The following MTUS1 variants were observed in gnomAD, a reference collection of about 807,000 sequenced individuals.
MTUS1 encodes microtubule-associated tumor suppressor 1.
In MTUS1, 109 loss-of-function variants were observed where a neutral mutation model predicts 120.8. The observed-to-expected ratio is 0.90, with a 90% CI of 0.77 to 1.06. The LOEUF is 1.06. Ranked by LOEUF, MTUS1 falls within the 50% of genes least tolerant of loss-of-function variation. The pLI is 0.00. For missense variants in MTUS1, 2,210 were observed against 1,486.3 expected (o/e 1.49, Z -8.01); for synonymous variants, 737 against 550.5 (o/e 1.34, Z -4.74).
intron 6 of MTUS1, chr8:17,693,399 C>G (rs911172229): frequency 6.6e-6 from 1 of 152,196 alleles, no homozygotes; most frequent in Non-Finnish European, 1.5e-5. Context: ...GATCCAACAA[C>G]ACGCTTTGCC....
intron 6 of MTUS1, among the ~76,000 whole-genome samples, chr8:17,693,089 G>A (rs1295886343): frequency 1.3e-5 from 2 of 152,140 alleles, no homozygotes; most frequent in African/African-American, 4.8e-5. Context: ...ATTAATACAA[G>A]AATTTCCAGC....
intron 6 of MTUS1, among the ~76,000 whole-genome samples, chr8:17,688,979 A>C (rs1274603712): frequency 6.6e-6 from 1 of 152,180 alleles, no homozygotes; most frequent in African/African-American, 2.4e-5. Flanking sequence ...TGGGAGGCCA[A>C]GGCGGGCAGA....
At position 17,755,087 on chromosome 8, in the gene MTUS1, T is replaced by A. The variant is rs759328199; in HGVS notation, c.721A>T (p.Met241Leu). Residue 241 changes from methionine (M) to leucine (L), a missense_variant, in exon 2 of 15, where the codon ATG (methionine) becomes TTG (leucine). Coordinates refer to ENST00000693296, the MANE Select transcript of MTUS1 (RefSeq NM_001363059.2). The stretch of plus-strand genomic sequence containing the variant: ...ACATCAGAAAATGCTGTGTAAGTCA[T>A]GTCTTGGGCTTCTGATGGTGTGACT... The part of the protein sequence containing the change: ...PQVTPSEAQD[M>L]TYTAFSDVVM... 4 of 1,613,896 alleles carry A rather than the reference T, an allele frequency of 2.5e-6. No homozygotes were observed. The East Asian group carries it at 6.7e-5, about 27-fold the overall frequency.
chr8:17,758,349 T>C (rs1176568161), intron 1 of MTUS1: 3 of 152,154 alleles, frequency 2.0e-5, no homozygotes, highest in Admixed American at 6.5e-5. Context: ...TTCAACAGCA[T>C]GTGCACACAT....
chr8:17,786,575 G>C (rs948394377), intron 1 of MTUS1, among the ~76,000 whole-genome samples: 1 of 149,872 alleles, frequency 6.7e-6, no homozygotes, highest in African/African-American at 2.4e-5. Flanking sequence ...GAGTTATCTT[G>C]AGGTTGCCAC....
intron 1 of MTUS1, among the ~76,000 whole-genome samples, chr8:17,762,571 T>C (rs2049127661): frequency 6.6e-6 from 1 of 152,186 alleles, no homozygotes; most frequent in Non-Finnish European, 1.5e-5. Context: ...TGGTGGTCAA[T>C]TTCCTAAAAG....
intron 3 of MTUS1, among the ~76,000 whole-genome samples, chr8:17,729,717 T>C (rs1224895426): frequency 2.6e-5 from 4 of 152,012 alleles, no homozygotes; most frequent in Admixed American, 1.3e-4. Context: ...GAATTGAATT[T>C]TTAAAACATG....
intron 3 of MTUS1, among the ~76,000 whole-genome samples, chr8:17,740,569 A>T (rs77219243): frequency 0.016 from 2,509 of 152,346 alleles, 79 homozygotes; most frequent in African/African-American, 0.056. Flanking sequence ...GGCGATTAAG[A>T]AACACCTCTC....
At chr8:17,673,476 G>C (rs1463807876) in intron 8 of MTUS1, among the ~76,000 whole-genome samples, 2 of 152,186 alleles carry the variant, frequency 1.3e-5, no homozygotes, top group Non-Finnish European at 2.9e-5. Flanking sequence ...GTCTTTTACA[G>C]AGTCTTGCTC....
intron 2 of MTUS1, among the ~76,000 whole-genome samples, chr8:17,747,188 T>A (rs2047825975): frequency 6.6e-6 from 1 of 152,122 alleles, no homozygotes; most frequent in South Asian, 2.1e-4. Flanking sequence ...CTCTTCACCT[T>A]ATTCCCTACT....
intron 8 of MTUS1, among the ~76,000 whole-genome samples, chr8:17,665,955 G>A (rs1354265779): frequency 3.9e-5 from 6 of 152,078 alleles, no homozygotes; most frequent in Non-Finnish European, 8.8e-5. Context: ...TTGGTGCCTA[G>A]GTACCAGCCG....
intron 6 of MTUS1, among the ~76,000 whole-genome samples, chr8:17,686,575 C>T (rs1315046777): frequency 6.6e-6 from 1 of 152,106 alleles, no homozygotes; most frequent in Non-Finnish European, 1.5e-5. Context: ...TTTCCTGAGT[C>T]CTGAGTAACA....
At chr8:17,658,024 GACACAC>G (rs58132896) in intron 8 of MTUS1, among the ~76,000 whole-genome samples, 24,605 of 140,410 alleles carry the variant, frequency 0.18, 2,066 homozygotes, top group African/African-American at 0.18. Flanking sequence ...TATATATATA[GACACAC>G]ACACACACAC....
chr8:17,716,842 C>G (rs2131051066), intron 4 of MTUS1, among the ~76,000 whole-genome samples: 1 of 152,332 alleles, frequency 6.6e-6, no homozygotes, highest in South Asian at 2.1e-4. Context: ...GCGTGAGCCA[C>G]CGCACCTAGC....
At chr8:17,708,448 C>G (rs1820591803) in intron 6 of MTUS1, among the ~76,000 whole-genome samples, 2 of 152,122 alleles carry the variant, frequency 1.3e-5, no homozygotes, top group South Asian at 4.1e-4. Context: ...ACAGACAAAG[C>G]CAAGTGTTGA....
At chr8:17,650,576 G>A (rs981431390) in intron 12 of MTUS1, among the ~76,000 whole-genome samples, 3 of 152,134 alleles carry the variant, frequency 2.0e-5, no homozygotes, top group Non-Finnish European at 4.4e-5. Flanking sequence ...CAGGCATAGT[G>A]GCATATGCCT....
At position 17,660,746 on chromosome 8, in the gene MTUS1, A is replaced by C. The variant is rs574874791; in HGVS notation, c.2906-4681T>G. ...TAACAGCCATCCTAATGAGTACATC[A>C]CTGTGGTTATGATTTGGTCAGTAGA... On this transcript the variant is annotated intron_variant, in intron 8 of 14. Coordinates refer to ENST00000693296, the MANE Select transcript of MTUS1 (RefSeq NM_001363059.2). Among the ~76,000 whole-genome samples, 3 of 152,232 alleles carry C rather than the reference A, an allele frequency of 2.0e-5. No homozygotes were observed. The East Asian group carries it at 5.8e-4, about 29-fold the overall frequency.
chr8:17,646,756 C>T (rs536461350), intron 14 of MTUS1, among the ~76,000 whole-genome samples: 3 of 152,264 alleles, frequency 2.0e-5, no homozygotes, highest in East Asian at 1.9e-4. Context: ...AGCCAGAGGC[C>T]GTGGGAGCAG....
chr8:17,798,626 C>A (rs920558892), intron 1 of MTUS1, among the ~76,000 whole-genome samples: 1 of 152,176 alleles, frequency 6.6e-6, no homozygotes, highest in Admixed American at 6.5e-5. Context: ...GCCACCGCAC[C>A]CGGCTGGAAA....
Sources: allele counts gnomAD v4.1 joint callset (sites outside exome capture counted in the v4.1 genomes callset), GRCh38; gene constraint gnomAD v4.1.1; transcripts MANE v1.5; gene names NCBI Gene and HGNC (gene_info 2026-07-23, HGNC 2026-07-21).